Variants in WWOX observed in about 807,000 individuals in gnomAD.
The protein encoded by WWOX is WW domain containing oxidoreductase.
Under a neutral mutation model 46.2 loss-of-function variants are expected in WWOX, and 69 were observed. The observed-to-expected ratio is 1.49, with a 90% CI of 1.23 to 1.82. The LOEUF (loss-of-function observed/expected upper bound fraction) is 1.82. Among genes scored for constraint, WWOX ranks in the 40% most tolerant of loss-of-function variants. The pLI, the probability that WWOX is intolerant of heterozygous loss-of-function variation, is 0.00. For synonymous variants in WWOX, 359 were observed against 202.6 expected (o/e 1.77, Z -6.56); for missense variants, 919 against 542.6 (o/e 1.69, Z -6.89).
chr16:78,580,935 TAA>T (rs1209266133), intron 8 of WWOX, among the ~76,000 whole-genome samples: 1 of 152,228 alleles, frequency 6.6e-6, no homozygotes, highest in African/African-American at 2.4e-5. Flanking sequence ...AGTAGCCAGC[TAA>T]AGGATATCTG....
At chr16:78,587,482 C>CATGA (rs1451599593) in intron 8 of WWOX, among the ~76,000 whole-genome samples, 3 of 152,090 alleles carry the variant, frequency 2.0e-5, no homozygotes, top group African/African-American at 7.2e-5. Context: ...TCCAAACGTG[C>CATGA]ATGAATCTTT....
Position 78,338,913 on chromosome 16 carries a change from G to T in WWOX, c.517-47947G>T, listed in dbSNP as rs117324795. Among the ~76,000 whole-genome samples, 114 of 120,670 alleles carry T rather than the reference G, an allele frequency of 9.4e-4. 3 individuals carry two copies. In the East Asian group the frequency reaches 0.021, roughly 22 times the overall value. 79.2% of individuals were successfully genotyped at this position (120,670 alleles called of 152,430 possible). A position where few individuals can be genotyped will look rare whatever the true frequency, so the allele number is the denominator to read the frequency against. On this transcript the variant is annotated intron_variant, in intron 5 of 8. Transcript: ENST00000566780. ...ACGTAAAAAGTTAAAGCAGCCCTCA[G>T]CATCAACTTCTTCTTCATTTCTAAC...
intron 7 of WWOX, among the ~76,000 whole-genome samples, chr16:78,426,321 G>A (rs1463045771): frequency 6.6e-6 from 1 of 152,208 alleles, no homozygotes; most frequent in Non-Finnish European, 1.5e-5. Flanking sequence ...TCCACCAGAT[G>A]TGGAGGGCAC....
chr16:78,755,855 C>T (rs559526946), intron 8 of WWOX, among the ~76,000 whole-genome samples: 2 of 152,330 alleles, frequency 1.3e-5, no homozygotes, highest in East Asian at 3.9e-4. Flanking sequence ...AGATTTTTCT[C>T]CTCCTCTATG....
In WWOX at chr16:79,003,831, C is replaced by T. The variant is rs570106616; in HGVS notation, c.1057-207777C>T. Among the ~76,000 whole-genome samples, 11 of 152,160 alleles carry T rather than the reference C, an allele frequency of 7.2e-5. No individual in the cohort carries two copies. The East Asian group carries it at 1.4e-3, about 19-fold the overall frequency. On this transcript the variant is annotated intron_variant, in intron 8 of 8. Transcript: ENST00000566780. ...CCACTGCATCTTTGGGGAAGGCAGT[C>T]ACCACTGTATAGTCCTGAGCTCACT...
At chr16:78,385,487 G>C (rs2082043091) in intron 5 of WWOX, among the ~76,000 whole-genome samples, 1 of 152,168 alleles carries the variant, frequency 6.6e-6, no homozygotes, top group Non-Finnish European at 1.5e-5. Context: ...AGGAAACTGA[G>C]GCTCAACAGT....
At chr16:78,912,729 T>C (rs1027152089) in intron 8 of WWOX, among the ~76,000 whole-genome samples, 1 of 152,018 alleles carries the variant, frequency 6.6e-6, no homozygotes, top group Non-Finnish European at 1.5e-5. Flanking sequence ...TTACTTGTGA[T>C]TAGGCAATGG....
chr16:78,184,852 A>G (rs980565143), intron 5 of WWOX, among the ~76,000 whole-genome samples: 5 of 152,248 alleles, frequency 3.3e-5, no homozygotes, highest in African/African-American at 1.2e-4. Flanking sequence ...GTGTTGGGAC[A>G]GTCTAAGTTA....
intron 8 of WWOX, among the ~76,000 whole-genome samples, chr16:78,724,053 A>C (rs1009944686): frequency 2.0e-5 from 3 of 152,152 alleles, no homozygotes; most frequent in Admixed American, 2.0e-4. Context: ...CCAGGACTGG[A>C]AGCAGCATAT....
chr16:78,155,933 A>C (rs1425765065), intron 4 of WWOX, among the ~76,000 whole-genome samples: 1 of 152,218 alleles, frequency 6.6e-6, no homozygotes, highest in African/African-American at 2.4e-5. Flanking sequence ...GATATGGTTT[A>C]CTATAAAAGT....
chr16:79,176,674 A>G (rs559787004), intron 8 of WWOX, among the ~76,000 whole-genome samples: 13 of 152,228 alleles, frequency 8.5e-5, no homozygotes, highest in African/African-American at 2.9e-4. Context: ...TCTTTCTGGC[A>G]TAGTTTGGAG....
intron 8 of WWOX, among the ~76,000 whole-genome samples, chr16:78,594,778 C>T (rs1340382721): frequency 6.6e-6 from 1 of 152,112 alleles, no homozygotes; most frequent in Non-Finnish European, 1.5e-5. Context: ...TTTTATTTAG[C>T]ATTCAGAAAA....
chr16:78,437,582 T>C (rs1269524806), intron 8 of WWOX, among the ~76,000 whole-genome samples: 2 of 151,128 alleles, frequency 1.3e-5, no homozygotes, highest in African/African-American at 2.4e-5. Context: ...CCTCTTCTTC[T>C]TCAGATCCAG....
intron 8 of WWOX, among the ~76,000 whole-genome samples, chr16:78,454,470 CT>C (rs749499330): frequency 3.3e-5 from 5 of 150,108 alleles, no homozygotes; most frequent in Admixed American, 6.6e-5. Context: ...TTTTTTTCCC[CT>C]AGGTTGTGTT....
At chr16:78,239,261 A>G (rs767384502) in intron 5 of WWOX, among the ~76,000 whole-genome samples, 58 of 152,190 alleles carry the variant, frequency 3.8e-4, no homozygotes, top group Non-Finnish European at 7.9e-4. Flanking sequence ...GCTGTTGACC[A>G]GCTCTTGATG....
intron 8 of WWOX, among the ~76,000 whole-genome samples, chr16:78,718,716 A>AGG (rs775506932): frequency 1.1e-4 from 16 of 152,130 alleles, no homozygotes; most frequent in Non-Finnish European, 1.2e-4. Context: ...TAGATAGCTT[A>AGG]GGAGAGTTCC....
chr16:78,369,499 C>T (rs1392717407), intron 5 of WWOX, among the ~76,000 whole-genome samples: 1 of 152,172 alleles, frequency 6.6e-6, no homozygotes, highest in African/African-American at 2.4e-5. Flanking sequence ...TCTCCTCAGG[C>T]ACAACATGCA....
intron 5 of WWOX, among the ~76,000 whole-genome samples, chr16:78,322,088 T>G (rs1275903186): frequency 6.6e-6 from 1 of 152,122 alleles, no homozygotes; most frequent in Non-Finnish European, 1.5e-5. Context: ...AGCCAAATGG[T>G]TTCAATTTCA....
chr16:78,143,429 C>T (rs575578273), intron 4 of WWOX, among the ~76,000 whole-genome samples: 2 of 152,228 alleles, frequency 1.3e-5, no homozygotes, highest in East Asian at 3.9e-4. Context: ...GATTGTGGCA[C>T]GTGGACCAAA....
Sources: allele counts gnomAD v4.1 joint callset (sites outside exome capture counted in the v4.1 genomes callset), GRCh38; gene constraint gnomAD v4.1.1; transcripts MANE v1.5; gene names NCBI Gene and HGNC (gene_info 2026-07-23, HGNC 2026-07-21).